The following CHRM3 variants were observed in gnomAD, a reference collection of about 807,000 sequenced individuals.
CHRM3 encodes the protein cholinergic receptor muscarinic 3, also known as muscarinic acetylcholine receptor M3.
A neutral mutation model predicts 41.8 loss-of-function variants in CHRM3; 11 were observed. That is an observed-to-expected ratio of 0.26 (90% CI 0.17 to 0.44). The LOEUF (loss-of-function observed/expected upper bound fraction) is 0.44, where lower values mean the gene tolerates loss of function less well. Among genes scored for constraint, CHRM3 ranks in the 20% least tolerant of loss-of-function variants. The probability of loss-of-function intolerance (pLI) is 1.00; values close to 1 mark genes in which losing one functional copy is unlikely to be tolerated. For missense variants in CHRM3, 571 were observed against 745.4 expected, an observed-to-expected ratio of 0.77 and a Z score of 2.72; for synonymous variants, 297 against 301.4, an observed-to-expected ratio of 0.99 and a Z score of 0.15.
intron 1 of CHRM3, among the ~76,000 whole-genome samples, chr1:239,393,861 A>C (rs539361428): frequency 6.6e-6 from 1 of 152,314 alleles, no homozygotes; most frequent in African/African-American, 2.4e-5. Flanking sequence ...GTATATAAGT[A>C]AATATATAAT....
At chr1:239,901,248 C>A (rs1405799624) in intron 6 of CHRM3, among the ~76,000 whole-genome samples, 2 of 152,104 alleles carry the variant, frequency 1.3e-5, no homozygotes, top group African/African-American at 4.8e-5. Flanking sequence ...AGGCAAGATT[C>A]CAAGCCCTCC....
chr1:239,651,509 A>G (rs896624617), intron 4 of CHRM3, among the ~76,000 whole-genome samples: 2 of 152,184 alleles, frequency 1.3e-5, no homozygotes, highest in Non-Finnish European at 2.9e-5. Context: ...AGAAGATGGA[A>G]TAGTAGACTT....
intron 1 of CHRM3, among the ~76,000 whole-genome samples, chr1:239,475,851 G>A (rs1480554820): frequency 6.6e-6 from 1 of 152,104 alleles, no homozygotes; most frequent in African/African-American, 2.4e-5. Context: ...ACATATAGTG[G>A]AAATTTATTA....
At chr1:239,801,540 C>T (rs1356064795) in intron 5 of CHRM3, among the ~76,000 whole-genome samples, 1 of 152,082 alleles carries the variant, frequency 6.6e-6, no homozygotes. Flanking sequence ...TAACAATAAG[C>T]AGATTAGCTG....
At chr1:239,473,869 CA>C (rs34470819) in intron 1 of CHRM3, among the ~76,000 whole-genome samples, 2,231 of 142,816 alleles carry the variant, frequency 0.016, 44 homozygotes, top group African/African-American at 0.04. Context: ...TAGTAAATTT[CA>C]AAAAAAAAAA....
chr1:239,414,406 G>GT (rs1343127711), intron 1 of CHRM3, among the ~76,000 whole-genome samples: 1 of 152,188 alleles, frequency 6.6e-6, no homozygotes, highest in East Asian at 1.9e-4. Context: ...CATTTAGGTT[G>GT]TGTCTACCTA....
chr1:239,749,625 G>A (rs983338711), intron 5 of CHRM3, among the ~76,000 whole-genome samples: 1 of 152,146 alleles, frequency 6.6e-6, no homozygotes, highest in African/African-American at 2.4e-5. Flanking sequence ...CAGAGATCAT[G>A]CCACTTCACT....
Position 239,681,584 on chromosome 1 carries a change from C to T in CHRM3, c.-147+3296C>T, listed in dbSNP as rs571629644. On this transcript the variant is annotated intron_variant, in intron 5 of 6. Transcript: ENST00000676153. ...AAACATGTATATGACATTCAAGTAA[C>T]TGAGACCAATAAAGATGTTATAAAT... 2.9e-4 allele frequency among the ~76,000 whole-genome samples: 44 copies of T among 152,280 alleles called. No individual in the cohort carries two copies. In the South Asian group the frequency reaches 8.7e-3, roughly 30 times the overall value.
intron 5 of CHRM3, among the ~76,000 whole-genome samples, chr1:239,767,677 T>G (rs1667332737): frequency 6.6e-6 from 1 of 152,216 alleles, no homozygotes; most frequent in South Asian, 2.1e-4. Context: ...TAGTATTTAT[T>G]ATGTGCCAGG....
At chr1:239,877,840 G>A (rs1347697656) in intron 6 of CHRM3, among the ~76,000 whole-genome samples, 4 of 151,636 alleles carry the variant, frequency 2.6e-5, no homozygotes, top group Non-Finnish European at 5.9e-5. Flanking sequence ...GGAGGGGGTG[G>A]TTTCTGGATG....
chr1:239,879,676 A>T (rs1392531207), intron 6 of CHRM3, among the ~76,000 whole-genome samples: 1 of 152,214 alleles, frequency 6.6e-6, no homozygotes, highest in African/African-American at 2.4e-5. Context: ...TCCGGCAGCA[A>T]TGAAAGCAAG....
chr1:239,713,679 T>G (rs1334797197), intron 5 of CHRM3, among the ~76,000 whole-genome samples: 1 of 152,150 alleles, frequency 6.6e-6, no homozygotes, highest in Non-Finnish European at 1.5e-5. Context: ...TTTCCCTATA[T>G]CATACTGTTA....
intron 2 of CHRM3, among the ~76,000 whole-genome samples, chr1:239,532,999 A>G (rs955852836): frequency 3.9e-5 from 6 of 152,208 alleles, no homozygotes; most frequent in African/African-American, 4.8e-5. Context: ...TTAATTCTCT[A>G]TAGCGCTCTT....
chr1:239,455,243 G>A lies in CHRM3; in HGVS notation c.-520-37466G>A, dbSNP rs1241463468. Among the ~76,000 whole-genome samples the A allele has an allele frequency of 4.6e-5, 7 of 152,016 alleles. No homozygotes were observed. In the East Asian group the frequency reaches 9.7e-4, roughly 21 times the overall value. On this transcript the variant is annotated intron_variant, in intron 1 of 6. Coordinates refer to ENST00000676153, the MANE Select transcript of CHRM3 (RefSeq NM_001375978.1). ...ATTTTGTATTTTTAGTAGACACGGG[G>A]TTTCTCCCTGTTGGTCAGGCTGGTC...
chr1:239,726,221 TG>T (rs1430375594), intron 5 of CHRM3, among the ~76,000 whole-genome samples: 2 of 151,966 alleles, frequency 1.3e-5, no homozygotes, highest in African/African-American at 4.8e-5. Flanking sequence ...AATTATTTTG[TG>T]TCTAGATGCT....
intron 5 of CHRM3, among the ~76,000 whole-genome samples, chr1:239,803,340 C>G (rs928268898): frequency 6.6e-6 from 1 of 152,060 alleles, no homozygotes; most frequent in African/African-American, 2.4e-5. Context: ...AATTTAAGTA[C>G]GTGTCTTCAT....
At chr1:239,705,174 T>G (rs1434461065) in intron 5 of CHRM3, 1 of 151,966 alleles carries the variant, frequency 6.6e-6, no homozygotes, top group East Asian at 1.9e-4. Context: ...GACACTGCAC[T>G]CCAACCTGGG....
chr1:239,426,133 T>TCCCCCC (rs1170085859), intron 1 of CHRM3, among the ~76,000 whole-genome samples: 1 of 7,306 alleles, frequency 1.4e-4, no homozygotes, highest in African/African-American at 6.3e-4. Flanking sequence ...ATGCTATCCC[T>TCCCCCC]CCCCCCTCCC....
At chr1:239,758,878 A>T (rs1244904263) in intron 5 of CHRM3, among the ~76,000 whole-genome samples, 1 of 152,178 alleles carries the variant, frequency 6.6e-6, no homozygotes, top group Non-Finnish European at 1.5e-5. Context: ...TGTCACAGAA[A>T]TGTAAGTGAG....
Sources: allele counts gnomAD v4.1 joint callset (sites outside exome capture counted in the v4.1 genomes callset), GRCh38; gene constraint gnomAD v4.1.1; transcripts MANE v1.5; gene names NCBI Gene and HGNC (gene_info 2026-07-23, HGNC 2026-07-21).